TBC1D5: variants seen among roughly 807,000 people sequenced by gnomAD.
The protein encoded by TBC1D5 is TBC1 domain family, member 5.
A neutral mutation model predicts 100.3 loss-of-function variants in TBC1D5; 75 were observed. That is an observed-to-expected ratio of 0.75 (90% CI 0.62 to 0.91). The LOEUF (loss-of-function observed/expected upper bound fraction) is 0.91. Among genes scored for constraint, TBC1D5 ranks in the 40% least tolerant of loss-of-function variants. The pLI is 0.00. For synonymous variants in TBC1D5, 323 were observed against 325.6 expected, an observed-to-expected ratio of 0.99 and a Z score of 0.09; for missense variants, 910 against 942.4, an observed-to-expected ratio of 0.97 and a Z score of 0.45.
At chr3:17,502,225 A>G (rs1030188421) in intron 3 of TBC1D5, among the ~76,000 whole-genome samples, 2 of 149,954 alleles carry the variant, frequency 1.3e-5, no homozygotes, top group Admixed American at 6.6e-5. Context: ...TATAGAATAC[A>G]TAATTCACTT....
chr3:17,349,313 A>G (rs1344006574), intron 13 of TBC1D5, among the ~76,000 whole-genome samples: 1 of 152,198 alleles, frequency 6.6e-6, no homozygotes, highest in African/African-American at 2.4e-5. Flanking sequence ...GTGGGACTGA[A>G]GAGTCTGAAT....
chr3:17,599,273 GC>G (rs1448790242), intron 2 of TBC1D5, among the ~76,000 whole-genome samples: 1 of 151,810 alleles, frequency 6.6e-6, no homozygotes. Context: ...AACCACCCTG[GC>G]CCACCACACA....
chr3:17,253,053 G>A (rs1002249896), intron 16 of TBC1D5, among the ~76,000 whole-genome samples: 1 of 152,102 alleles, frequency 6.6e-6, no homozygotes, highest in African/African-American at 2.4e-5. Context: ...TTAGTTTAAC[G>A]ATTGAATAAA....
chr3:17,531,737 G>A (rs943473624), intron 2 of TBC1D5, among the ~76,000 whole-genome samples: 3 of 152,170 alleles, frequency 2.0e-5, no homozygotes, highest in Non-Finnish European at 2.9e-5. Flanking sequence ...AATGGGGAAA[G>A]GATTCCCTAT....
At chr3:17,704,644 G>C (rs2073739416) in intron 1 of TBC1D5, among the ~76,000 whole-genome samples, 1 of 74,150 alleles carries the variant, frequency 1.3e-5, no homozygotes, top group African/African-American at 4.6e-5. Flanking sequence ...CTGGCCAGGC[G>C]GGGGGCCGAC....
At chr3:17,406,726 G>C (rs900535023) in intron 4 of TBC1D5, 200 bp from the exon 5 acceptor site, 20 of 523,528 alleles carry the variant, frequency 3.8e-5, no homozygotes, top group Non-Finnish European at 6.7e-5. Context: ...TATGTAGATA[G>C]CTATAATTAC....
At chr3:17,454,876 A>T (rs1465982745) in intron 3 of TBC1D5, among the ~76,000 whole-genome samples, 1 of 152,140 alleles carries the variant, frequency 6.6e-6, no homozygotes, top group Non-Finnish European at 1.5e-5. Context: ...TAACTTAAAG[A>T]AGTAAAAGAT....
At chr3:17,690,696 T>C (rs2071020592) in intron 1 of TBC1D5, among the ~76,000 whole-genome samples, 1 of 152,144 alleles carries the variant, frequency 6.6e-6, no homozygotes, top group South Asian at 2.1e-4. Context: ...TTGTGAACTG[T>C]ACATGTGAGC....
At chr3:17,359,207 TGTTG>T (rs1019810227) in intron 13 of TBC1D5, among the ~76,000 whole-genome samples, 13 of 152,094 alleles carry the variant, frequency 8.5e-5, no homozygotes, top group African/African-American at 1.7e-4. Context: ...TCTTAGGGTT[TGTTG>T]GTTGAAGAAT....
intron 1 of TBC1D5, among the ~76,000 whole-genome samples, chr3:17,677,318 C>G (rs1384914727): frequency 2.6e-5 from 4 of 151,976 alleles, no homozygotes; most frequent in Non-Finnish European, 5.9e-5. Flanking sequence ...AAAAAACAAC[C>G]CCATCAAAAA....
chr3:17,299,889 T>C (rs1446547564), intron 14 of TBC1D5, among the ~76,000 whole-genome samples: 1 of 136,082 alleles, frequency 7.3e-6, no homozygotes, highest in South Asian at 2.4e-4. Flanking sequence ...AAAAAAAGTA[T>C]CATTCTGATG....
intron 2 of TBC1D5, among the ~76,000 whole-genome samples, chr3:17,515,475 T>C (rs1357018994): frequency 1.3e-5 from 2 of 152,204 alleles, no homozygotes; most frequent in South Asian, 2.1e-4. Flanking sequence ...TTAACTTATT[T>C]AAACCTTACA....
At position 17,715,219 on chromosome 3, in the gene TBC1D5, T is replaced by G. The variant is rs193138123; in HGVS notation, c.-101+24124A>C. Among the ~76,000 whole-genome samples the G allele has an allele frequency of 5.8e-4, 88 of 152,336 alleles. 1 individual carries two copies. The highest frequency in any genetic ancestry group is 3.7e-3 in the Admixed American group (56 of 15,310). On this transcript the variant is annotated intron_variant, in intron 1 of 21. Transcript: ENST00000253692. The stretch of plus-strand genomic sequence containing the variant: ...ATACTGGGCATTGATCTCAAGTTCC[T>G]GTGAAATTACTTCCATAACACAGAA...
At chr3:17,409,100 C>T (rs192922765) in intron 4 of TBC1D5, among the ~76,000 whole-genome samples, 3 of 152,278 alleles carry the variant, frequency 2.0e-5, no homozygotes, top group Admixed American at 1.3e-4. Context: ...CTTCATTTTA[C>T]TGCACTTCAC....
At chr3:17,196,998 C>T (rs986980301) in intron 18 of TBC1D5, among the ~76,000 whole-genome samples, 7 of 152,158 alleles carry the variant, frequency 4.6e-5, no homozygotes, top group Non-Finnish European at 8.8e-5. Context: ...CGCAGCTACA[C>T]GTAGGAATGC....
intron 13 of TBC1D5, among the ~76,000 whole-genome samples, chr3:17,317,956 A>G (rs1452395337): frequency 6.6e-6 from 1 of 152,112 alleles, no homozygotes; most frequent in Non-Finnish European, 1.5e-5. Context: ...TATTCACAAT[A>G]GCAAAGACTT....
At chr3:17,566,187 C>G (rs2096592410) in intron 2 of TBC1D5, among the ~76,000 whole-genome samples, 3 of 151,952 alleles carry the variant, frequency 2.0e-5, no homozygotes. Flanking sequence ...GCATTTTGTA[C>G]ACACTAAGAG....
chr3:17,585,009 T>TC (rs1453403446), intron 2 of TBC1D5, among the ~76,000 whole-genome samples: 1 of 152,186 alleles, frequency 6.6e-6, no homozygotes, highest in East Asian at 1.9e-4. Context: ...TAGACTGGTC[T>TC]CCAACTCTTG....
chr3:17,526,687 A>G (rs1258255236), intron 2 of TBC1D5, among the ~76,000 whole-genome samples: 1 of 152,224 alleles, frequency 6.6e-6, no homozygotes, highest in African/African-American at 2.4e-5. Flanking sequence ...AATATCTGAC[A>G]TATACATAGT....
Sources: gnomAD v4.1 joint callset for allele counts (sites outside exome capture counted in the v4.1 genomes callset) on GRCh38, gnomAD v4.1.1 for gene constraint, MANE v1.5 for transcripts, NCBI Gene and HGNC (gene_info 2026-07-23, HGNC 2026-07-21) for gene names.